Variants in SHQ1 observed in about 807,000 individuals in gnomAD.
SHQ1 encodes protein SHQ1 homolog.
Under a neutral mutation model 53.8 loss-of-function variants are expected in SHQ1, and 49 were observed. The ratio of observed to expected loss-of-function variants is 0.91; its 90% confidence interval spans 0.72 to 1.16. The LOEUF (loss-of-function observed/expected upper bound fraction) is 1.16. Ranked by LOEUF, SHQ1 falls within the 50% of genes most tolerant of loss-of-function variation. The probability of loss-of-function intolerance (pLI) is 0.00; values close to 1 mark genes in which losing one functional copy is unlikely to be tolerated. For missense variants in SHQ1, 738 were observed against 683.1 expected (o/e 1.08, Z -0.90); for synonymous variants, 243 against 251.0 (o/e 0.97, Z 0.30).
At chr3:72,730,837 T>C in the SHQ1 span, among the ~76,000 whole-genome samples, 1 of 151,768 alleles carries the variant, frequency 6.6e-6, no homozygotes, top group Non-Finnish European at 1.5e-5. Context: ...TGCTTTCTGG[T>C]ATATGCAATT....
intron 10 of SHQ1, chr3:72,753,255 A>G: frequency 2.0e-6 from 2 of 985,426 alleles, no homozygotes. Flanking sequence ...TGGCTTTGAG[A>G]CAAACTGGAT....
At chr3:72,758,078 G>A (rs1454024261) in intron 10 of SHQ1, among the ~76,000 whole-genome samples, 1 of 152,186 alleles carries the variant, frequency 6.6e-6, no homozygotes, top group Non-Finnish European at 1.5e-5. Flanking sequence ...CAAAACACAT[G>A]TATGTAGCCT....
intron 10 of SHQ1, among the ~76,000 whole-genome samples, chr3:72,789,098 A>AG (rs1466741905): frequency 3.3e-5 from 5 of 151,592 alleles, no homozygotes; most frequent in Admixed American, 1.3e-4. Flanking sequence ...AAAAAAAAAA[A>AG]GAAAAATAAA....
At chr3:72,725,915 A>G in the SHQ1 span, among the ~76,000 whole-genome samples, 1 of 152,158 alleles carries the variant, frequency 6.6e-6, no homozygotes, top group Non-Finnish European at 1.5e-5. Context: ...TGTACTAGGT[A>G]TGTTTCTAAG....
rs1221197649 is a variant in SHQ1, at chr3:72,844,323, C to T, written c.208+36G>A. On this transcript the variant is annotated intron_variant, in intron 2 of 10. Coordinates refer to ENST00000325599, the MANE Select transcript of SHQ1 (RefSeq NM_018130.3). ...ATTATGTAAATAATGTGAAAAATCC[C>T]AAGAAATAAACTAACAAAAATTCCA... The T allele has an allele frequency of 1.9e-6, 3 of 1,573,174 alleles. No homozygotes were observed. The East Asian group carries it at 6.7e-5, about 35-fold the overall frequency.
chr3:72,770,176 C>T (rs1354173034), intron 10 of SHQ1, among the ~76,000 whole-genome samples: 1 of 152,220 alleles, frequency 6.6e-6, no homozygotes, highest in Non-Finnish European at 1.5e-5. Flanking sequence ...ACCACTTACT[C>T]TGTGTTAACA....
At chr3:72,754,298 A>G (rs1705452876) in intron 10 of SHQ1, among the ~76,000 whole-genome samples, 2 of 152,132 alleles carry the variant, frequency 1.3e-5, no homozygotes, top group South Asian at 4.1e-4. Context: ...CCAAGCCTCA[A>G]AACTCCAGCC....
In SHQ1 at chr3:72,751,546, A is replaced by G. The variant is rs542629007; in HGVS notation, c.1182-710T>C. Among the ~76,000 whole-genome samples the G allele has an allele frequency of 2.7e-5, 4 of 147,922 alleles. No individual in the cohort carries two copies. In the South Asian group the frequency reaches 8.5e-4, roughly 31 times the overall value. On this transcript the variant is annotated intron_variant, in intron 10 of 10. Coordinates refer to ENST00000325599, the MANE Select transcript of SHQ1 (RefSeq NM_018130.3). ...TATATATATACATATACATACACTA[A>G]TAAAGCCTAACTCTCCTAACAGAGT... is the stretch of plus-strand genomic sequence containing the variant.
intron 10 of SHQ1, among the ~76,000 whole-genome samples, chr3:72,781,814 A>G (rs988862716): frequency 7.9e-5 from 12 of 152,218 alleles, no homozygotes; most frequent in African/African-American, 2.9e-4. Flanking sequence ...GTAGCCACTA[A>G]AAATCATTTT....
the SHQ1 span, among the ~76,000 whole-genome samples, chr3:72,740,451 T>C: frequency 2.6e-5 from 4 of 152,328 alleles, no homozygotes; most frequent in East Asian, 7.7e-4. Context: ...TTTGATCACA[T>C]TGTTGGATGG....
At chr3:72,800,252 G>C (rs1426113627) in intron 9 of SHQ1, among the ~76,000 whole-genome samples, 1 of 152,144 alleles carries the variant, frequency 6.6e-6, no homozygotes, top group Non-Finnish European at 1.5e-5. Flanking sequence ...CCAGAACCAT[G>C]AGCCAATAAT....
chr3:72,756,477 A>G (rs1316741107), intron 10 of SHQ1, among the ~76,000 whole-genome samples: 1 of 152,058 alleles, frequency 6.6e-6, no homozygotes, highest in Non-Finnish European at 1.5e-5. Context: ...GGGTTTTGCC[A>G]TGTTGGCCAG....
rs1400359692 is a variant in SHQ1, at chr3:72,771,322, C to G, written c.1182-20486G>C. Reference sequence around the variant, plus strand: ...AAGGTGACAAAGATCAGGAAATAACCTAGGTGACAGATTCCAGTTCCAAAA... The same window carrying G: ...AAGGTGACAAAGATCAGGAAATAACGTAGGTGACAGATTCCAGTTCCAAAA... On this transcript the variant is annotated intron_variant, in intron 10 of 10. Coordinates refer to ENST00000325599, the MANE Select transcript of SHQ1 (RefSeq NM_018130.3). 2.6e-5 allele frequency among the ~76,000 whole-genome samples: 4 copies of G among 152,150 alleles called. No individual in the cohort carries two copies. In the South Asian group the frequency reaches 8.3e-4, roughly 32 times the overall value.
intron 10 of SHQ1, among the ~76,000 whole-genome samples, chr3:72,779,621 CAT>C (rs1398068237): frequency 1.3e-5 from 2 of 152,160 alleles, no homozygotes; most frequent in African/African-American, 2.4e-5. Flanking sequence ...AGTAGGAACT[CAT>C]AAACTATTTG....
At chr3:72,745,290 T>TTTTTA, downstream of SHQ1, among the ~76,000 whole-genome samples, 1 of 152,166 alleles carries the variant, frequency 6.6e-6, no homozygotes, top group African/African-American at 2.4e-5. Context: ...TCCCCAGCTG[T>TTTTTA]CAACCAATTT....
In SHQ1 at chr3:72,792,954, G is replaced by A. The variant is rs775643341; in HGVS notation, c.1143C>T (p.Leu381=). 2 of 1,611,848 alleles carry A rather than the reference G, an allele frequency of 1.2e-6. No individual in the cohort carries two copies. The highest frequency in any genetic ancestry group is 8.5e-7 in the Non-Finnish European group (1 of 1,179,708). ...ENDPAYILND[L]YISDYCVWIQ... ...TCCACACACAGTAGTCTGAGATGTA[G>A]AGATCATTCAGTATGTACGCTGGGT... is the stretch of plus-strand genomic sequence containing the variant. The change falls in exon 10 of 11, where the codon CTC becomes CTT. Residue 381 remains leucine, a synonymous_variant. Coordinates refer to ENST00000325599, the MANE Select transcript of SHQ1 (RefSeq NM_018130.3).
chr3:72,740,320 G>A, the SHQ1 span, among the ~76,000 whole-genome samples: 1 of 152,192 alleles, frequency 6.6e-6, no homozygotes, highest in Non-Finnish European at 1.5e-5. Flanking sequence ...TCTGACAGAT[G>A]GTAACAAGAA....
chr3:72,842,547 A>C, intron 2 of SHQ1, 145 bp from the exon 3 acceptor site: 1 of 473,686 alleles, frequency 2.1e-6, no homozygotes, highest in Non-Finnish European at 3.6e-6. Flanking sequence ...TGGGCAACAT[A>C]CCAAGACCCC....
chr3:72,847,892 G>T (rs1002345486), intron 1 of SHQ1, among the ~76,000 whole-genome samples: 1 of 152,148 alleles, frequency 6.6e-6, no homozygotes, highest in Non-Finnish European at 1.5e-5. Flanking sequence ...GAACAAGTCA[G>T]AACGGGACGA....
Sources: allele counts gnomAD v4.1 joint callset (sites outside exome capture counted in the v4.1 genomes callset), GRCh38; gene constraint gnomAD v4.1.1; transcripts MANE v1.5; gene names NCBI Gene and HGNC (gene_info 2026-07-23, HGNC 2026-07-21).